Variants in NCOA2 observed in about 807,000 individuals in gnomAD.
The protein encoded by NCOA2 is class E basic helix-loop-helix protein 75.
In NCOA2, 21 loss-of-function variants were observed where a neutral mutation model predicts 145.1. That is an observed-to-expected ratio of 0.14 (90% CI 0.10 to 0.21). The LOEUF (loss-of-function observed/expected upper bound fraction) is 0.21. NCOA2 is among the 10% of genes least tolerant of loss of function. The pLI is 1.00. For missense variants in NCOA2, 1,472 were observed against 1,837.6 expected, an observed-to-expected ratio of 0.80 and a Z score of 3.64; for synonymous variants, 619 against 637.5, an observed-to-expected ratio of 0.97 and a Z score of 0.44.
intron 14 of NCOA2, among the ~76,000 whole-genome samples, chr8:70,140,155 G>GT (rs1190893536): frequency 1.3e-5 from 2 of 152,100 alleles, no homozygotes; most frequent in Non-Finnish European, 2.9e-5. Flanking sequence ...TGTACAATGA[G>GT]TTTTAGTATA....
chr8:70,124,636 G>T, intron 20 of NCOA2, 52 bp downstream of exon 20: 3 of 1,502,382 alleles, frequency 2.0e-6, no homozygotes, highest in Non-Finnish European at 2.7e-6. Flanking sequence ...GGTGGGGGAT[G>T]TCCTTCAGCT....
rs951303812 is a variant in NCOA2, at chr8:70,111,003, G to C, written c.*2629C>G. 2 of 223,592 alleles carry C rather than the reference G, an allele frequency of 8.9e-6. No individual in the cohort carries two copies. The highest frequency in any genetic ancestry group is 8.9e-6 in the Non-Finnish European group (1 of 112,126). 13.9% of individuals were successfully genotyped at this position (223,592 alleles called of 1,614,324 possible). On this transcript the variant is annotated 3_prime_UTR_variant, in exon 23 of 23. Transcript: ENST00000452400. ...AGCATGAGAAATACTGATAATGAAG[G>C]GAACTGATTTGGCTTTTGCTTCTAT...
At chr8:70,175,125 C>T (rs968362421) in intron 4 of NCOA2, among the ~76,000 whole-genome samples, 1 of 152,118 alleles carries the variant, frequency 6.6e-6, no homozygotes, top group African/African-American at 2.4e-5. Flanking sequence ...CATGACAGTC[C>T]CCAACAGGCA....
chr8:70,190,679 CTG>C (rs1156231864), intron 4 of NCOA2, among the ~76,000 whole-genome samples: 1 of 152,154 alleles, frequency 6.6e-6, no homozygotes, highest in African/African-American at 2.4e-5. Flanking sequence ...TGGCAAAACC[CTG>C]TCTCTACTAA....
chr8:70,141,496 C>T, intron 13 of NCOA2, 97 bp from the exon 14 acceptor site: 1 of 1,132,616 alleles, frequency 8.8e-7, no homozygotes, highest in South Asian at 1.4e-5. Context: ...AACAATCATT[C>T]TGTAATTCAC....
intron 1 of NCOA2, among the ~76,000 whole-genome samples, chr8:70,352,212 A>C (rs1809308775): frequency 6.6e-6 from 1 of 152,180 alleles, no homozygotes. Flanking sequence ...TTAGATGTTT[A>C]GAATTGATCC....
At chr8:70,165,894 A>C (rs7341566) in intron 7 of NCOA2, among the ~76,000 whole-genome samples, 477 of 152,262 alleles carry the variant, frequency 3.1e-3, no homozygotes, top group African/African-American at 0.01. Flanking sequence ...ATCTTGGCTA[A>C]CTGCAACCTC....
chr8:70,403,976 T>A (rs1193975056), upstream of NCOA2, among the ~76,000 whole-genome samples: 1 of 151,748 alleles, frequency 6.6e-6, no homozygotes, highest in African/African-American at 2.4e-5. Flanking sequence ...TCCCCGGCAG[T>A]GGCCGCCGCC....
intron 1 of NCOA2, among the ~76,000 whole-genome samples, chr8:70,400,295 A>G (rs2131797701): frequency 6.6e-6 from 1 of 152,308 alleles, no homozygotes; most frequent in Middle Eastern, 3.4e-3. Flanking sequence ...AATTCCCAGG[A>G]GGAAGGAAGC....
intron 1 of NCOA2, among the ~76,000 whole-genome samples, chr8:70,388,354 A>G (rs928144991): frequency 6.6e-6 from 1 of 152,224 alleles, no homozygotes; most frequent in African/African-American, 2.4e-5. Flanking sequence ...CATCCTATGC[A>G]TAGGCCTCTT....
At chr8:70,232,109 C>T (rs958855783) in intron 2 of NCOA2, among the ~76,000 whole-genome samples, 9 of 152,160 alleles carry the variant, frequency 5.9e-5, no homozygotes, top group African/African-American at 2.2e-4. Flanking sequence ...CATTTGAACA[C>T]CATTTTTTTG....
intron 2 of NCOA2, among the ~76,000 whole-genome samples, chr8:70,231,908 A>G (rs1437434892): frequency 6.6e-6 from 1 of 152,198 alleles, no homozygotes; most frequent in Non-Finnish European, 1.5e-5. Context: ...GCATTCTGCC[A>G]TCAGACTAGC....
At chr8:70,303,152 T>C (rs1827633053) in intron 1 of NCOA2, among the ~76,000 whole-genome samples, 1 of 152,230 alleles carries the variant, frequency 6.6e-6, no homozygotes. Context: ...GGATGAAAGA[T>C]ACTAAATTGG....
chr8:70,368,172 G>C (rs1810887525), intron 1 of NCOA2, among the ~76,000 whole-genome samples: 1 of 152,206 alleles, frequency 6.6e-6, no homozygotes, highest in South Asian at 2.1e-4. Context: ...GCTTGGTCTG[G>C]AAAGTTAAAT....
intron 10 of NCOA2, 66 bp from the exon 11 acceptor site, chr8:70,157,306 T>G: frequency 1.4e-6 from 2 of 1,415,206 alleles, no homozygotes; most frequent in South Asian, 3.1e-5. Flanking sequence ...TGTTATTAAT[T>G]TTTAAAAATG....
intron 2 of NCOA2, among the ~76,000 whole-genome samples, chr8:70,293,274 T>C (rs570671496): frequency 2.6e-4 from 39 of 152,326 alleles, no homozygotes; most frequent in Middle Eastern, 3.4e-3. Flanking sequence ...TGGATACATA[T>C]ACATCCAGTT....
intron 2 of NCOA2, among the ~76,000 whole-genome samples, chr8:70,260,516 G>T (rs1824025016): frequency 6.6e-6 from 1 of 152,124 alleles, no homozygotes; most frequent in South Asian, 2.1e-4. Flanking sequence ...AACCAACAAG[G>T]TAGAGTCTAA....
At chr8:70,145,980 T>C (rs151178732) in intron 12 of NCOA2, among the ~76,000 whole-genome samples, 72 of 152,300 alleles carry the variant, frequency 4.7e-4, no homozygotes, top group Middle Eastern at 3.4e-3. Context: ...TAAACCAGTG[T>C]TTTTTTCACG....
chr8:70,142,304 T>TG (rs1177571219), intron 13 of NCOA2, among the ~76,000 whole-genome samples: 8 of 152,190 alleles, frequency 5.3e-5, no homozygotes, highest in Non-Finnish European at 8.8e-5. Context: ...CAACTAAAAA[T>TG]GGGGTATATT....
Sources: allele counts gnomAD v4.1 joint callset (sites outside exome capture counted in the v4.1 genomes callset), GRCh38; gene constraint gnomAD v4.1.1; transcripts MANE v1.5; gene names NCBI Gene and HGNC (gene_info 2026-07-23, HGNC 2026-07-21).